CAMTA1: variants seen among roughly 807,000 people sequenced by gnomAD.
CAMTA1 encodes calmodulin-binding transcription activator 1.
A neutral mutation model predicts 170.9 loss-of-function variants in CAMTA1; 27 were observed. The ratio of observed to expected loss-of-function variants is 0.16; its 90% CI spans 0.12 to 0.22. The LOEUF (loss-of-function observed/expected upper bound fraction) is 0.22, where lower values mean the gene tolerates loss of function less well. Among genes scored for constraint, CAMTA1 ranks in the 10% least tolerant of loss-of-function variants. The probability of loss-of-function intolerance (pLI) is 1.00; values close to 1 mark genes in which losing one functional copy is unlikely to be tolerated. For synonymous variants in CAMTA1, 833 were observed against 891.5 expected, an observed-to-expected ratio of 0.93 and a Z score of 1.17; for missense variants, 1,619 against 2,217.2, an observed-to-expected ratio of 0.73 and a Z score of 5.42.
intron 5 of CAMTA1, among the ~76,000 whole-genome samples, chr1:7,448,867 C>G (rs994086551): frequency 2.6e-5 from 4 of 152,262 alleles, no homozygotes; most frequent in African/African-American, 7.2e-5. Context: ...CAAAAACATT[C>G]AGACATTGCA....
chr1:7,647,809 C>T (rs899310836), intron 7 of CAMTA1, among the ~76,000 whole-genome samples: 6 of 152,202 alleles, frequency 3.9e-5, no homozygotes, highest in Non-Finnish European at 8.8e-5. Context: ...AAAGTCCGGA[C>T]GTAGTGGCTT....
chr1:6,899,554 G>GCGCGCGCA (rs1306510241), intron 3 of CAMTA1, among the ~76,000 whole-genome samples: 23 of 141,178 alleles, frequency 1.6e-4, no homozygotes, highest in Non-Finnish European at 2.0e-4. Context: ...ACGCGCGCGC[G>GCGCGCGCA]CACACACACA....
At chr1:7,189,348 G>A (rs997219666) in intron 4 of CAMTA1, among the ~76,000 whole-genome samples, 2 of 152,054 alleles carry the variant, frequency 1.3e-5, no homozygotes, top group African/African-American at 4.8e-5. Context: ...ATATTGCTAA[G>A]TGAAAAAAAT....
intron 3 of CAMTA1, among the ~76,000 whole-genome samples, chr1:6,936,680 C>T (rs1299900756): frequency 6.6e-6 from 1 of 152,136 alleles, no homozygotes; most frequent in South Asian, 2.1e-4. Context: ...GATGTATTGA[C>T]CAGAAGTTAC....
intron 6 of CAMTA1, among the ~76,000 whole-genome samples, chr1:7,630,092 A>C (rs894937573): frequency 2.0e-5 from 3 of 152,056 alleles, no homozygotes; most frequent in Non-Finnish European, 4.4e-5. Context: ...AATGATTTTA[A>C]ATAAGGCCAG....
chr1:7,561,126 C>T lies in CAMTA1; in HGVS notation c.511-79274C>T, dbSNP rs2094951283. Reference sequence around the variant, plus strand: ...CCTTTCTGAACAACGCCCAAGAATCCAGGCATGGCCAGGGGCTGGCCGAGG... The same window carrying T: ...CCTTTCTGAACAACGCCCAAGAATCTAGGCATGGCCAGGGGCTGGCCGAGG... On this transcript the variant is annotated intron_variant, in intron 6 of 22. Coordinates refer to ENST00000303635, the MANE Select transcript of CAMTA1 (RefSeq NM_015215.4). This position sits in a 1 kb window ranked among gnomAD's most constrained non-coding sequence, Gnocchi z 5.3. 6.6e-6 allele frequency among the ~76,000 whole-genome samples: 1 copy of T among 152,114 alleles called. No homozygotes were observed. The highest frequency in any genetic ancestry group is 2.1e-4 in the South Asian group (1 of 4,832).
chr1:7,208,975 G>A (rs528512247), intron 4 of CAMTA1, among the ~76,000 whole-genome samples: 1 of 152,284 alleles, frequency 6.6e-6, no homozygotes, highest in Non-Finnish European at 1.5e-5. Flanking sequence ...CCTGGGTGGG[G>A]CCGTGGAGAC....
At position 7,664,775 on chromosome 1, in the gene CAMTA1, G is replaced by C; in HGVS notation, c.2228G>C (p.Gly743Ala). The stretch of plus-strand genomic sequence containing the variant: ...ATCCTCCCGGGCAACGTGGTGCAGG[G>C]ACTCTACCCCGTGGCCCAGCCCAGC... Reference protein sequence around the residue: ...VPILPGNVVQGLYPVAQPSLG... With the variant: ...VPILPGNVVQALYPVAQPSLG... The change falls in exon 9 of 23, where the codon GGA (glycine) becomes GCA (alanine). Residue 743 changes from glycine to alanine, a missense_variant. Gly to Ala is a moderately conservative substitution (Grantham distance 60). Coordinates refer to ENST00000303635, the MANE Select transcript of CAMTA1 (RefSeq NM_015215.4). The C allele has an allele frequency of 6.2e-7, 1 of 1,611,996 alleles. No individual in the cohort carries two copies. Among genetic ancestry groups the C allele is most frequent in the Non-Finnish European group, 8.5e-7 (1 of 1,179,116 alleles).
intron 5 of CAMTA1, among the ~76,000 whole-genome samples, chr1:7,425,824 C>G (rs939629525): frequency 6.6e-6 from 1 of 152,174 alleles, no homozygotes; most frequent in African/African-American, 2.4e-5. Flanking sequence ...CTCCCTTTCA[C>G]TTTGGGCCCT....
intron 5 of CAMTA1, among the ~76,000 whole-genome samples, chr1:7,326,964 G>A (rs1462105459): frequency 3.9e-5 from 6 of 151,998 alleles, no homozygotes; most frequent in African/African-American, 1.2e-4. Context: ...ACAGCCAAGC[G>A]AACAAAAAAG....
At chr1:7,387,173 C>G (rs1160205478) in intron 5 of CAMTA1, among the ~76,000 whole-genome samples, 1 of 152,082 alleles carries the variant, frequency 6.6e-6, no homozygotes, top group African/African-American at 2.4e-5. Context: ...ATCCATTACT[C>G]CAGACTGGGC....
At chr1:7,569,539 T>G (rs1159501727) in intron 6 of CAMTA1, among the ~76,000 whole-genome samples, 1 of 149,976 alleles carries the variant, frequency 6.7e-6, no homozygotes, top group Non-Finnish European at 1.5e-5. Flanking sequence ...TCCAACATCA[T>G]CATCACCACC....
At chr1:7,042,019 A>G (rs748642072) in intron 3 of CAMTA1, among the ~76,000 whole-genome samples, 1 of 152,196 alleles carries the variant, frequency 6.6e-6, no homozygotes, top group Non-Finnish European at 1.5e-5. Context: ...GGTTTAAAGC[A>G]TCTGTCTAGA....
chr1:6,996,998 T>C (rs77669701), intron 3 of CAMTA1, among the ~76,000 whole-genome samples: 1,885 of 152,310 alleles, frequency 0.012, 32 homozygotes, highest in African/African-American at 0.044. Context: ...CACTGGGATG[T>C]CTTTTCGCTT....
intron 4 of CAMTA1, among the ~76,000 whole-genome samples, chr1:7,125,709 A>G (rs1644891544): frequency 6.6e-6 from 1 of 152,134 alleles, no homozygotes. Context: ...GTTCAGCAGG[A>G]GCAGCATGTA....
intron 6 of CAMTA1, among the ~76,000 whole-genome samples, chr1:7,494,816 A>G (rs1433219730): frequency 6.6e-6 from 1 of 152,138 alleles, no homozygotes; most frequent in Non-Finnish European, 1.5e-5. Context: ...AAAAAATAAT[A>G]AAAAATAAAA....
intron 6 of CAMTA1, among the ~76,000 whole-genome samples, chr1:7,622,851 C>G (rs1034006977): frequency 1.3e-5 from 2 of 152,262 alleles, no homozygotes; most frequent in African/African-American, 4.8e-5. Flanking sequence ...TCGGCCCTCA[C>G]AGGCCATTGT....
intron 5 of CAMTA1, among the ~76,000 whole-genome samples, chr1:7,364,011 A>G (rs888928289): frequency 6.6e-6 from 1 of 152,194 alleles, no homozygotes; most frequent in Admixed American, 6.5e-5. Flanking sequence ...ACAGAGAGGG[A>G]CTGAGGTCAG....
intron 3 of CAMTA1, among the ~76,000 whole-genome samples, chr1:6,987,770 A>C (rs572228785): frequency 6.6e-6 from 1 of 152,136 alleles, no homozygotes; most frequent in Non-Finnish European, 1.5e-5. Flanking sequence ...CGTTGAGGAA[A>C]GGGCCGCTTT....
Sources: gnomAD v4.1 joint callset for allele counts (sites outside exome capture counted in the v4.1 genomes callset) on GRCh38, gnomAD v4.1.1 for gene constraint, Gnocchi (gnomAD v3.1) non-coding constraint, MANE v1.5 for transcripts, NCBI Gene and HGNC (gene_info 2026-07-23, HGNC 2026-07-21) for gene names.